The following SCAI variants were observed in gnomAD, a reference collection of about 807,000 sequenced individuals.
The protein encoded by SCAI is suppressor of cancer cell invasion.
In SCAI, 24 loss-of-function variants were observed where a neutral mutation model predicts 92.2. The observed-to-expected ratio is 0.26, with a 90% CI of 0.19 to 0.37. The LOEUF is 0.37. Ranked by LOEUF, SCAI falls within the 10% of genes least tolerant of loss-of-function variation. SCAI has a pLI of 1.00. For missense variants in SCAI, 450 were observed against 736.2 expected, an observed-to-expected ratio of 0.61 and a Z score of 4.50; for synonymous variants, 261 against 258.6, an observed-to-expected ratio of 1.01 and a Z score of -0.09.
At chr9:125,044,802 T>C (rs969605491) in intron 3 of SCAI, among the ~76,000 whole-genome samples, 10 of 152,238 alleles carry the variant, frequency 6.6e-5, no homozygotes, top group Non-Finnish European at 1.3e-4. Flanking sequence ...TCTTTGGGGC[T>C]TGTGGTTCCT....
rs1444323513 is a variant in SCAI, at chr9:124,945,120, T to C, written c.*7687A>G. 1 of 152,208 alleles carries C rather than the reference T, an allele frequency of 6.6e-6. No homozygotes were observed. Among genetic ancestry groups the C allele is most frequent in the Non-Finnish European group, 1.5e-5 (1 of 68,036 alleles). The allele number at this position is 152,208 out of a possible 1,614,324, so 9.4% of individuals were successfully genotyped here. A position where few individuals can be genotyped will look rare whatever the true frequency, so the allele number is the denominator to read the frequency against. ...AAATAGGAAATTGATACCCAATTTA[T>C]AGTCTATGATGAAATTTAGGCTTGA... On this transcript the variant is annotated 3_prime_UTR_variant, in exon 18 of 18. Transcript: ENST00000336505.
intron 17 of SCAI, among the ~76,000 whole-genome samples, chr9:124,968,094 A>T (rs1320492181): frequency 6.6e-6 from 1 of 152,228 alleles, no homozygotes; most frequent in Non-Finnish European, 1.5e-5. Flanking sequence ...CAGACAATTA[A>T]TCCAAAAAAA....
chr9:124,979,849 A>G (rs1225686014), intron 14 of SCAI, among the ~76,000 whole-genome samples: 1 of 152,098 alleles, frequency 6.6e-6, no homozygotes, highest in Admixed American at 6.5e-5. Context: ...GGTGATCGAG[A>G]CCATCCTGGC....
At chr9:125,029,018 G>A (rs1833019055) in intron 4 of SCAI, among the ~76,000 whole-genome samples, 1 of 152,072 alleles carries the variant, frequency 6.6e-6, no homozygotes, top group South Asian at 2.1e-4. Context: ...GGCTGGTCTT[G>A]AACTCCTAAC....
intron 9 of SCAI, among the ~76,000 whole-genome samples, chr9:125,015,895 T>C (rs971472251): frequency 1.2e-4 from 18 of 151,494 alleles, no homozygotes; most frequent in East Asian, 5.8e-4. Flanking sequence ...ATGGATGAAA[T>C]TGGAAATCAT....
chr9:124,984,626 T>C (rs1259514508), intron 14 of SCAI, among the ~76,000 whole-genome samples: 2 of 152,138 alleles, frequency 1.3e-5, no homozygotes, highest in Admixed American at 6.5e-5. Flanking sequence ...GCAACTATAA[T>C]AGCATAGTAG....
intron 7 of SCAI, among the ~76,000 whole-genome samples, chr9:125,019,747 G>A (rs1832831806): frequency 6.6e-6 from 1 of 152,068 alleles, no homozygotes; most frequent in African/African-American, 2.4e-5. Flanking sequence ...TAGAAAAGGA[G>A]AACAGAGAGC....
Position 124,944,827 on chromosome 9 carries a change from CAA to C in SCAI, c.*7978_*7979del, listed in dbSNP as rs1320793636. The C allele has an allele frequency of 6.6e-6, 1 of 152,056 alleles. No homozygotes were observed. Among genetic ancestry groups the C allele is most frequent in the Non-Finnish European group, 1.5e-5 (1 of 68,006 alleles). The allele number at this position is 152,056 out of a possible 1,614,324, so 9.4% of individuals were successfully genotyped here. A position where few individuals can be genotyped will look rare whatever the true frequency, so the allele number is the denominator to read the frequency against. On this transcript the variant is annotated 3_prime_UTR_variant, in exon 18 of 18. Transcript: ENST00000336505. ...TTCAAATTGTAATGTTTACAAATCT[CAA>C]CTTTTAATCATGGCAAAGTGGACAT...
At chr9:124,972,217 T>C (rs907615768) in intron 15 of SCAI, among the ~76,000 whole-genome samples, 1 of 152,160 alleles carries the variant, frequency 6.6e-6, no homozygotes, top group Non-Finnish European at 1.5e-5. Flanking sequence ...CTCTATGAGC[T>C]GCTCTTTCCC....
chr9:125,106,122 A>AAAAAATATAT (rs1554791724), intron 2 of SCAI, among the ~76,000 whole-genome samples: 1 of 8,858 alleles, frequency 1.1e-4, no homozygotes, highest in African/African-American at 2.3e-4. Flanking sequence ...AAAAAAAAAA[A>AAAAAATATAT]ATATATATAT....
At chr9:125,071,817 G>A (rs1303509499) in intron 2 of SCAI, among the ~76,000 whole-genome samples, 4 of 152,092 alleles carry the variant, frequency 2.6e-5, no homozygotes, top group Non-Finnish European at 4.4e-5. Context: ...TGTTGGCTCC[G>A]CTTGCTGTAT....
At chr9:125,020,072 C>CA (rs11298022) in intron 7 of SCAI, among the ~76,000 whole-genome samples, 182 of 112,190 alleles carry the variant, frequency 1.6e-3, no homozygotes, top group Non-Finnish European at 1.9e-3. Flanking sequence ...GACCTTGTCT[C>CA]AAAAAAAAAA....
intron 3 of SCAI, among the ~76,000 whole-genome samples, chr9:125,039,470 G>A (rs1833275133): frequency 6.6e-6 from 1 of 151,914 alleles, no homozygotes; most frequent in Admixed American, 6.6e-5. Flanking sequence ...AAATGCAGAA[G>A]GGCAGGTGCT....
intron 2 of SCAI, among the ~76,000 whole-genome samples, chr9:125,108,276 T>C (rs867368795): frequency 6.6e-6 from 1 of 151,876 alleles, no homozygotes; most frequent in East Asian, 2.0e-4. Flanking sequence ...GTGAGGAGCG[T>C]CTCTGCCTGG....
At chr9:125,107,970 T>G (rs531282420) in intron 2 of SCAI, among the ~76,000 whole-genome samples, 8 of 152,320 alleles carry the variant, frequency 5.3e-5, no homozygotes, top group Non-Finnish European at 7.4e-5. Context: ...CCCCTGCGAT[T>G]GCAGGCGCGC....
rs1236345914 is a variant in SCAI, at chr9:125,016,044, G to C, written c.861+2755C>G. On this transcript the variant is annotated intron_variant, in intron 9 of 17. Transcript: ENST00000336505. ...GGGGACTGTTGTGGGGCGGGGGGAG[G>C]GGGGAGGGATAGCTTTAGGAGATAT... 3.0e-5 allele frequency among the ~76,000 whole-genome samples: 3 copies of C among 99,838 alleles called. 1 individual carries two copies. Among genetic ancestry groups the C allele is most frequent in the East Asian group, 3.6e-4 (1 of 2,808 alleles). 65.5% of individuals were successfully genotyped at this position (99,838 alleles called of 152,430 possible).
intron 2 of SCAI, among the ~76,000 whole-genome samples, chr9:125,101,502 T>C (rs1170364132): frequency 1.3e-5 from 2 of 152,110 alleles, no homozygotes; most frequent in Non-Finnish European, 1.5e-5. Flanking sequence ...ACTGGAAGGA[T>C]GGAATAGCCA....
In SCAI at chr9:125,003,225, C is replaced by A. The variant is rs1258750461; in HGVS notation, c.964-10G>T. 1 of 1,586,808 alleles carries A rather than the reference C, an allele frequency of 6.3e-7. No homozygotes were observed. The highest frequency in any genetic ancestry group is 8.7e-7 in the Non-Finnish European group (1 of 1,155,276). On this transcript the variant is annotated splice_polypyrimidine_tract_variant and intron_variant, in intron 10 of 17. Transcript: ENST00000336505. ...GCTTGTCAGCTGATTCCTATATTTA[C>A]ACACAGAAAACATTATACATAAAAG... is the stretch of plus-strand genomic sequence containing the variant.
At chr9:125,010,885 T>C (rs958050278) in intron 9 of SCAI, among the ~76,000 whole-genome samples, 2 of 152,162 alleles carry the variant, frequency 1.3e-5, no homozygotes, top group African/African-American at 4.8e-5. Flanking sequence ...GAAAATCCGC[T>C]GTTCTGCAGC....
Sources: allele counts gnomAD v4.1 joint callset (sites outside exome capture counted in the v4.1 genomes callset), GRCh38; gene constraint gnomAD v4.1.1; transcripts MANE v1.5; gene names NCBI Gene and HGNC (gene_info 2026-07-23, HGNC 2026-07-21).